The following RABL6 variants were observed in gnomAD, a reference collection of about 807,000 sequenced individuals.
RABL6 encodes rab-like protein 6.
In RABL6, 28 loss-of-function variants were observed where a neutral mutation model predicts 72.9. The ratio of observed to expected loss-of-function variants is 0.38; its 90% CI spans 0.28 to 0.53. The LOEUF (loss-of-function observed/expected upper bound fraction) is 0.53. Among genes scored for constraint, RABL6 ranks in the 20% least tolerant of loss-of-function variants. The pLI, the probability that RABL6 is intolerant of heterozygous loss-of-function variation, is 0.80. For synonymous variants in RABL6, 477 were observed against 421.2 expected, an observed-to-expected ratio of 1.13 and a Z score of -1.62; for missense variants, 1,029 against 1,008.4, an observed-to-expected ratio of 1.02 and a Z score of -0.28.
chr9:136,824,684 T>G (rs1848315996), intron 2 of RABL6, among the ~76,000 whole-genome samples: 1 of 151,090 alleles, frequency 6.6e-6, no homozygotes, highest in Admixed American at 6.6e-5. Context: ...ACTAGTGGGT[T>G]ACTAGTGGGA....
Position 136,837,557 on chromosome 9 carries a change from G to C in RABL6, c.1021G>C (p.Ala341Pro), listed in dbSNP as rs760124393. 1.9e-6 allele frequency: 3 copies of C among 1,564,804 alleles called. No homozygotes were observed. The Admixed American group carries it at 5.6e-5, about 29-fold the overall frequency. Reference sequence around the variant, plus strand: ...TGTGCCCCCTGTACCACCCTCAGAGGCCCTGCCCCCACCTGCGTGCCCCTC... The same window carrying C: ...TGTGCCCCCTGTACCACCCTCAGAGCCCCTGCCCCCACCTGCGTGCCCCTC... ...SSVPPVPPSE[A>P]LPPPACPSAP... The change falls in exon 9 of 15, where the codon GCC becomes CCC. Residue 341 changes from alanine (A) to proline (P), a missense_variant. Physicochemically the swap from Ala to Pro is conservative, Grantham distance 27. Around this residue, in one of 2 missense-constraint regions of RABL6, gnomAD observed 434 missense variants for 536.1 expected, o/e 0.81. Coordinates refer to ENST00000311502, the MANE Select transcript of RABL6 (RefSeq NM_024718.5).
chr9:136,829,028 TTGTG>T (rs961482041), intron 4 of RABL6, among the ~76,000 whole-genome samples: 1 of 152,196 alleles, frequency 6.6e-6, no homozygotes, highest in African/African-American at 2.4e-5. Context: ...CTAACCCTGT[TTGTG>T]GGCACTGGAA....
Position 136,837,505 on chromosome 9 carries a change from G to T in RABL6, c.969G>T (p.Leu323=). ...GCACACCCCAGCCCGCCCCACAGCT[G>T]CCCCTCAATGCCGCCCCACCATCCT... ...SPGTPQPAPQ[L]PLNAAPPSSV... is the part of the protein sequence containing the mutation. Residue 323 remains leucine, a synonymous_variant, in exon 9 of 15, where the codon CTG becomes CTT. Transcript: ENST00000311502. The T allele has an allele frequency of 6.5e-7, 1 of 1,536,456 alleles. No individual in the cohort carries two copies. The highest frequency in any genetic ancestry group is 8.7e-7 in the Non-Finnish European group (1 of 1,144,084).
At chr9:136,828,365 G>A (rs939904363) in intron 3 of RABL6, 129 bp from the exon 4 acceptor site, 2 of 867,466 alleles carry the variant, frequency 2.3e-6, no homozygotes, top group Non-Finnish European at 3.7e-6. Flanking sequence ...CACGCTGCAG[G>A]CTGTTTGGGG....
chr9:136,808,158 T>A lies in RABL6; in HGVS notation c.-39T>A. The A allele has an allele frequency of 6.8e-7, 1 of 1,471,988 alleles. No homozygotes were observed. The highest frequency in any genetic ancestry group is 1.5e-5 in the African/African-American group (1 of 67,562). 91.2% of individuals were successfully genotyped at this position (1,471,988 alleles called of 1,614,324 possible). Reference sequence around the variant, plus strand: ...CACCCCTTCCCCGCCGCCGCTGAGCTCGCCGGCCGCGCCCGGGCTGGGACG... The same window carrying A: ...CACCCCTTCCCCGCCGCCGCTGAGCACGCCGGCCGCGCCCGGGCTGGGACG... On this transcript the variant is annotated 5_prime_UTR_variant, in exon 1 of 15. Coordinates refer to ENST00000311502, the MANE Select transcript of RABL6 (RefSeq NM_024718.5).
intron 1 of RABL6, chr9:136,821,298 G>C (rs998732337): frequency 4.1e-6 from 4 of 982,420 alleles, no homozygotes; most frequent in Non-Finnish European, 4.8e-6. Flanking sequence ...CGCTGTGACC[G>C]TCTCTGCGCT....
At chr9:136,829,525 C>T (rs1848427602) in intron 5 of RABL6, 41 bp downstream of exon 5, 2 of 1,511,628 alleles carry the variant, frequency 1.3e-6, no homozygotes, top group Non-Finnish European at 9.0e-7. Flanking sequence ...GTGACTCTCA[C>T]CCCCCTAGCC....
At chr9:136,812,827 G>A in intron 1 of RABL6, 1 of 349,310 alleles carries the variant, frequency 2.9e-6, no homozygotes, top group Non-Finnish European at 5.7e-6. Context: ...GGTCACCTCT[G>A]CCTCCCCAGA....
chr9:136,831,682 A>G lies in RABL6; in HGVS notation c.459-39A>G, dbSNP rs755296691. 3 of 1,609,528 alleles carry G rather than the reference A, an allele frequency of 1.9e-6. No homozygotes were observed. The East Asian group carries it at 6.7e-5, about 36-fold the overall frequency. On this transcript the variant is annotated intron_variant, in intron 5 of 14. Transcript: ENST00000311502. ...TTTCCAGGGAGGGACAGGGCGTCGCAGGGCTGAAACTAAGCCAGGTCCTCA... is the reference window on the plus strand; with the variant it reads ...TTTCCAGGGAGGGACAGGGCGTCGCGGGGCTGAAACTAAGCCAGGTCCTCA...
chr9:136,821,998 C>T (rs1357353841), intron 1 of RABL6: 6 of 1,289,450 alleles, frequency 4.7e-6, no homozygotes, highest in African/African-American at 4.6e-5. Flanking sequence ...CGTTGAGGTA[C>T]CTAGGATGGG....
intron 7 of RABL6, chr9:136,834,238 A>G (rs1200090504): frequency 1.7e-6 from 2 of 1,170,628 alleles, no homozygotes; most frequent in Non-Finnish European, 2.1e-6. Flanking sequence ...TTTTAACCTG[A>G]CCGTAGTACC....
rs752384233 is a variant in RABL6 at position 136,840,583 on chromosome 9, A to G, written c.*61A>G. On this transcript the variant is annotated 3_prime_UTR_variant, in exon 15 of 15. Coordinates refer to ENST00000311502, the MANE Select transcript of RABL6 (RefSeq NM_024718.5). ...CGTGCCTGTCACTGCCTGGGGAGGC[A>G]TTTGCCTCTGTACCATCGCCTTTGC... 3.8e-5 allele frequency: 59 copies of G among 1,547,572 alleles called. No homozygotes were observed. Among genetic ancestry groups the G allele is most frequent in the South Asian group, 2.9e-4 (24 of 83,926 alleles).
At chr9:136,833,901 A>C in intron 7 of RABL6, 1 of 1,550,466 alleles carries the variant, frequency 6.4e-7, no homozygotes. Flanking sequence ...CCGTCCCCTC[A>C]TCACTGGGTT....
At chr9:136,833,908 G>T in intron 7 of RABL6, 1 of 1,550,504 alleles carries the variant, frequency 6.4e-7, no homozygotes, top group East Asian at 2.4e-5. Flanking sequence ...CTCATCACTG[G>T]GTTGATTACT....
Position 136,839,145 on chromosome 9 carries a change from T to C in RABL6, c.1493+24T>C, listed in dbSNP as rs1848638347. 6 of 1,609,146 alleles carry C rather than the reference T, an allele frequency of 3.7e-6. No individual in the cohort carries two copies. The East Asian group carries it at 1.1e-4, about 30-fold the overall frequency. On this transcript the variant is annotated intron_variant, in intron 11 of 14. Coordinates refer to ENST00000311502, the MANE Select transcript of RABL6 (RefSeq NM_024718.5). ...TGGTAAGGGCAGGTGTCCCCACGGG[T>C]GCGGCCTGGAGACCCGGGTGGGGCA...
At chr9:136,824,694 A>C (rs938660081) in intron 2 of RABL6, among the ~76,000 whole-genome samples, 2 of 148,544 alleles carry the variant, frequency 1.3e-5, no homozygotes, top group Non-Finnish European at 3.0e-5. Context: ...TACTAGTGGG[A>C]GGCAAAGATG....
chr9:136,834,211 A>T, intron 7 of RABL6: 5 of 1,217,676 alleles, frequency 4.1e-6, no homozygotes, highest in Non-Finnish European at 5.1e-6. Flanking sequence ...ACACATCTCT[A>T]AAAAAATCAG....
At position 136,840,516 on chromosome 9, in the gene RABL6, G is replaced by GCTC; in HGVS notation, c.2185_2187dup (p.Leu729dup). On this transcript the variant is annotated inframe_insertion, in exon 15 of 15. Coordinates refer to ENST00000311502, the MANE Select transcript of RABL6 (RefSeq NM_024718.5). ...ACCCTGGGGGTGGCGACTACGAGGA[G>GCTC]CTCTAGGCCGGCGTGGGCAGTGGCC... 6.5e-7 allele frequency: 1 copy of GCTC among 1,540,586 alleles called. No homozygotes were observed. Among genetic ancestry groups the GCTC allele is most frequent in the Non-Finnish European group, 8.7e-7 (1 of 1,143,688 alleles).
chr9:136,830,862 C>T (rs1588365181), intron 5 of RABL6: 1 of 152,826 alleles, frequency 6.5e-6, no homozygotes, highest in African/African-American at 2.4e-5. Flanking sequence ...AATGCTCTGT[C>T]TGGAGCCCCT....
Sources: allele counts gnomAD v4.1 joint callset (sites outside exome capture counted in the v4.1 genomes callset), GRCh38; gene constraint gnomAD v4.1.1; regional missense constraint gnomAD v4.1.1; transcripts MANE v1.5; gene names NCBI Gene and HGNC (gene_info 2026-07-23, HGNC 2026-07-21).